Variants in NBEA observed in about 807,000 individuals in gnomAD.
The protein encoded by NBEA is neurobeachin, also known as lysosomal-trafficking regulator 2.
A neutral mutation model predicts 343.4 loss-of-function variants in NBEA; 44 were observed. That is an observed-to-expected ratio of 0.13 (90% CI 0.10 to 0.16). The LOEUF (loss-of-function observed/expected upper bound fraction) is 0.16. Among genes scored for constraint, NBEA ranks in the 10% least tolerant of loss-of-function variants. The probability of loss-of-function intolerance (pLI) is 1.00; values close to 1 mark genes in which losing one functional copy is unlikely to be tolerated. For synonymous variants in NBEA, 1,175 were observed against 1,238.7 expected, an observed-to-expected ratio of 0.95 and a Z score of 1.08; for missense variants, 2,555 against 3,631.3, an observed-to-expected ratio of 0.70 and a Z score of 7.62.
intron 38 of NBEA, among the ~76,000 whole-genome samples, chr13:35,391,445 A>C (rs772995259): frequency 2.2e-4 from 34 of 152,310 alleles, no homozygotes; most frequent in Non-Finnish European, 3.4e-4. Flanking sequence ...TTATAGATAT[A>C]AAAGAAGTTA....
chr13:35,021,109 CA>C (rs1566173428), intron 1 of NBEA, among the ~76,000 whole-genome samples: 2 of 151,974 alleles, frequency 1.3e-5, no homozygotes, highest in African/African-American at 4.8e-5. Context: ...ATTTAGCTCT[CA>C]TTTTTTTGGA....
intron 44 of NBEA, among the ~76,000 whole-genome samples, chr13:35,565,094 G>A (rs35474819): frequency 0.2 from 30,812 of 152,078 alleles, 3,447 homozygotes; most frequent in South Asian, 0.29. Context: ...CTGTGGTGAG[G>A]CAACACAGGG....
chr13:34,986,434 T>C (rs979790876), intron 1 of NBEA, among the ~76,000 whole-genome samples: 1 of 150,956 alleles, frequency 6.6e-6, no homozygotes, highest in Non-Finnish European at 1.5e-5. Context: ...TTACATTTGC[T>C]GAGGAGTGCT....
At chr13:35,468,051 C>G (rs2075463865) in intron 40 of NBEA, among the ~76,000 whole-genome samples, 1 of 151,586 alleles carries the variant, frequency 6.6e-6, no homozygotes, top group African/African-American at 2.4e-5. Flanking sequence ...AATTTAATAG[C>G]CATCGTTGCC....
intron 45 of NBEA, among the ~76,000 whole-genome samples, chr13:35,577,377 G>GA (rs1375684376): frequency 1.3e-5 from 2 of 151,912 alleles, no homozygotes; most frequent in African/African-American, 4.8e-5. Flanking sequence ...ATGCTAAACA[G>GA]AAAAAAAGAA....
At chr13:35,579,078 G>A (rs2080886263) in intron 45 of NBEA, among the ~76,000 whole-genome samples, 1 of 152,126 alleles carries the variant, frequency 6.6e-6, no homozygotes, top group Admixed American at 6.5e-5. Flanking sequence ...GATTAGGGAT[G>A]CTCAACCTAT....
At chr13:35,391,960 G>A (rs2152900195) in intron 38 of NBEA, among the ~76,000 whole-genome samples, 1 of 152,140 alleles carries the variant, frequency 6.6e-6, no homozygotes, top group East Asian at 1.9e-4. Context: ...CACACATATA[G>A]TGCTACTTTC....
chr13:35,007,943 T>C (rs2061369020), intron 1 of NBEA, among the ~76,000 whole-genome samples: 1 of 152,220 alleles, frequency 6.6e-6, no homozygotes, highest in African/African-American at 2.4e-5. Context: ...TCATTTAGTA[T>C]GGCTGGCTAT....
intron 46 of NBEA, among the ~76,000 whole-genome samples, chr13:35,589,977 G>A (rs979581814): frequency 1.2e-4 from 18 of 152,072 alleles, no homozygotes; most frequent in African/African-American, 2.9e-4. Flanking sequence ...TGAAATTACC[G>A]TTTAATATGT....
chr13:35,184,783 A>G lies in NBEA; in HGVS notation c.4927+712A>G, dbSNP rs995334179. ...GACAATTTTAGAGATGAAAAATACAATAGCCAAAATGATAATATCTCTGTG... is the reference window on the plus strand; with the variant it reads ...GACAATTTTAGAGATGAAAAATACAGTAGCCAAAATGATAATATCTCTGTG... On this transcript the variant is annotated intron_variant, in intron 30 of 58. Coordinates refer to ENST00000379939, the MANE Select transcript of NBEA (RefSeq NM_001385012.1). Among the ~76,000 whole-genome samples, 51 of 152,242 alleles carry G rather than the reference A, an allele frequency of 3.3e-4. 1 individual carries two copies. Among genetic ancestry groups the G allele is most frequent in the South Asian group, 2.1e-4 (1 of 4,830 alleles).
intron 1 of NBEA, among the ~76,000 whole-genome samples, chr13:35,022,579 T>A (rs2061882362): frequency 6.6e-6 from 1 of 152,176 alleles, no homozygotes; most frequent in Admixed American, 6.5e-5. Flanking sequence ...TAAACAATTA[T>A]CTAAAATTCA....
At chr13:35,409,344 A>C (rs538179653) in intron 38 of NBEA, among the ~76,000 whole-genome samples, 1 of 152,000 alleles carries the variant, frequency 6.6e-6, no homozygotes, top group African/African-American at 2.4e-5. Context: ...CCTATATGAG[A>C]GTGGAGGGTG....
intron 6 of NBEA, among the ~76,000 whole-genome samples, chr13:35,050,811 G>A (rs2063039784): frequency 6.6e-6 from 1 of 151,880 alleles, no homozygotes; most frequent in Admixed American, 6.6e-5. Flanking sequence ...TAGTAGTTCT[G>A]AATATTGTTT....
At chr13:35,243,121 A>G (rs1019056052) in intron 34 of NBEA, among the ~76,000 whole-genome samples, 1 of 151,928 alleles carries the variant, frequency 6.6e-6, no homozygotes, top group Non-Finnish European at 1.5e-5. Context: ...GACTTGTGAC[A>G]TAAGTAACAT....
chr13:35,261,332 T>G (rs1221391483), intron 34 of NBEA, among the ~76,000 whole-genome samples: 1 of 152,026 alleles, frequency 6.6e-6, no homozygotes, highest in Non-Finnish European at 1.5e-5. Context: ...GCCAACATGA[T>G]GAAACCCTGT....
At chr13:35,626,801 C>G (rs2083250765) in intron 48 of NBEA, among the ~76,000 whole-genome samples, 1 of 152,152 alleles carries the variant, frequency 6.6e-6, no homozygotes, top group Non-Finnish European at 1.5e-5. Flanking sequence ...GTGTTCTACT[C>G]TGAACTGTTA....
chr13:35,219,090 T>C (rs1177796373), intron 33 of NBEA, among the ~76,000 whole-genome samples: 2 of 152,126 alleles, frequency 1.3e-5, no homozygotes, highest in Non-Finnish European at 2.9e-5. Context: ...TTTCATAATA[T>C]TATTGTGTTA....
chr13:35,493,966 T>A (rs1390384317), intron 41 of NBEA, among the ~76,000 whole-genome samples: 1 of 151,844 alleles, frequency 6.6e-6, no homozygotes, highest in African/African-American at 2.4e-5. Flanking sequence ...TAAAAATGAA[T>A]TCATTTTATA....
intron 17 of NBEA, 107 bp downstream of exon 17, chr13:35,123,681 G>A: frequency 1.8e-6 from 1 of 540,994 alleles, no homozygotes; most frequent in South Asian, 6.8e-5. Context: ...AAATCTAACA[G>A]CGGAAAATAA....
Sources: gnomAD v4.1 joint callset for allele counts (sites outside exome capture counted in the v4.1 genomes callset) on GRCh38, gnomAD v4.1.1 for gene constraint, MANE v1.5 for transcripts, NCBI Gene and HGNC (gene_info 2026-07-23, HGNC 2026-07-21) for gene names.